ABLIM3: variants seen among roughly 807,000 people sequenced by gnomAD.
ABLIM3 encodes actin-binding LIM protein 3.
Under a neutral mutation model 109.5 loss-of-function variants are expected in ABLIM3, and 61 were observed. The observed-to-expected ratio is 0.56, with a 90% CI of 0.45 to 0.69. ABLIM3 has a LOEUF of 0.69. Ranked by LOEUF, ABLIM3 falls within the 30% of genes least tolerant of loss-of-function variation. ABLIM3 has a pLI of 0.00. For synonymous variants in ABLIM3, 300 were observed against 324.8 expected, an observed-to-expected ratio of 0.92 and a Z score of 0.82; for missense variants, 796 against 889.5, an observed-to-expected ratio of 0.89 and a Z score of 1.34.
At chr5:149,236,119 G>A (rs1762325714) in intron 10 of ABLIM3, among the ~76,000 whole-genome samples, 1 of 152,186 alleles carries the variant, frequency 6.6e-6, no homozygotes, top group Non-Finnish European at 1.5e-5. Flanking sequence ...GAAAGTCAGA[G>A]AGCAAAAGAG....
At chr5:149,248,035 A>T in intron 18 of ABLIM3, 106 bp downstream of exon 18, 2 of 1,348,816 alleles carry the variant, frequency 1.5e-6, no homozygotes, top group Admixed American at 2.5e-5. Context: ...GGCACAGCCC[A>T]TGCATCCTCT....
intron 20 of ABLIM3, 115 bp from the exon 21 acceptor site, chr5:149,251,244 C>T (rs1753893354): frequency 1.8e-6 from 2 of 1,116,010 alleles, no homozygotes; most frequent in Non-Finnish European, 1.3e-6. Flanking sequence ...ACAGAGGCTG[C>T]TGAGAAGGCC....
intron 8 of ABLIM3, chr5:149,217,505 C>CT: frequency 5.8e-6 from 1 of 171,874 alleles, no homozygotes; most frequent in East Asian, 1.6e-4. Flanking sequence ...ACTCTCAGAA[C>CT]ACACAGAGGA....
rs150044348 is a variant in ABLIM3, at chr5:149,195,116, T to A, written c.152-3103T>A. Reference sequence around the variant, plus strand: ...GTATGACAGAGTCTTGCACTTTCTGTTCTAGATGTGTCCTCAGTTAACCAC... The same window carrying A: ...GTATGACAGAGTCTTGCACTTTCTGATCTAGATGTGTCCTCAGTTAACCAC... On this transcript the variant is annotated intron_variant, in intron 3 of 23. Coordinates refer to ENST00000309868, the MANE Select transcript of ABLIM3 (RefSeq NM_014945.5). Among the ~76,000 whole-genome samples, 770 of 152,270 alleles carry A rather than the reference T, an allele frequency of 5.1e-3. 14 individuals are homozygous for A. Among genetic ancestry groups the A allele is most frequent in the African/African-American group, 0.018 (736 of 41,558 alleles).
intron 14 of ABLIM3, among the ~76,000 whole-genome samples, chr5:149,241,935 C>G (rs1441057340): frequency 1.3e-5 from 2 of 152,178 alleles, no homozygotes; most frequent in African/African-American, 2.4e-5. Flanking sequence ...TGAGTCACAG[C>G]AGAGCCAGGG....
chr5:149,214,698 CCTT>C (rs1219972599), intron 7 of ABLIM3, among the ~76,000 whole-genome samples: 13 of 152,172 alleles, frequency 8.5e-5, no homozygotes, highest in Admixed American at 1.3e-4. Context: ...AGTTGTTTCT[CCTT>C]CTCTTCTCAT....
At position 149,249,825 on chromosome 5, in the gene ABLIM3, G is replaced by T. The variant is rs368603687; in HGVS notation, c.1710G>T (p.Ser570=). Residue 570 remains serine, a synonymous_variant, in exon 19 of 24, where the codon TCG becomes TCT. Coordinates refer to ENST00000309868, the MANE Select transcript of ABLIM3 (RefSeq NM_014945.5). ...TTTTCTCTCCTGCAGCCCCTCGGTC[G>T]CACTACCTGGCTGACAGTGGTAAGT... ...YEMSLNGSPR[S]HYLADSDPLI... 9.3e-6 allele frequency: 15 copies of T among 1,613,950 alleles called. No homozygotes were observed. In the Admixed American group the frequency reaches 1.2e-4, roughly 13 times the overall value.
intron 16 of ABLIM3, among the ~76,000 whole-genome samples, chr5:149,245,634 T>A (rs1753275113): frequency 6.7e-6 from 1 of 148,656 alleles, no homozygotes; most frequent in Non-Finnish European, 1.5e-5. Context: ...AGAGACCACT[T>A]TGGCTGTAGG....
At position 149,217,063 on chromosome 5, in the gene ABLIM3, C is replaced by G. The variant is rs750594137; in HGVS notation, c.757+17C>G. The G allele has an allele frequency of 5.6e-6, 9 of 1,609,552 alleles. No individual in the cohort carries two copies. Among genetic ancestry groups the G allele is most frequent in the Admixed American group, 1.7e-5 (1 of 59,994 alleles). ...ACCTCACAGGTAAGTAAATCTGACC[C>G]TCTGTAAGGCCTTCCGACCTGCTCA... On this transcript the variant is annotated intron_variant, in intron 8 of 23. Transcript: ENST00000309868.
chr5:149,258,308 A>C lies in ABLIM3; in HGVS notation c.1956A>C (p.Glu652Asp). The C allele has an allele frequency of 6.2e-7, 1 of 1,613,936 alleles. No individual in the cohort carries two copies. Among genetic ancestry groups the C allele is most frequent in the Non-Finnish European group, 8.5e-7 (1 of 1,179,958 alleles). The change falls in exon 24 of 24, where the codon GAA (glutamate) becomes GAC (aspartate). Residue 652 changes from glutamate to aspartate, a missense_variant. Physicochemically the swap from Glu to Asp is conservative, Grantham distance 45 (BLOSUM62 2). Coordinates refer to ENST00000309868, the MANE Select transcript of ABLIM3 (RefSeq NM_014945.5). Reference sequence around the variant, plus strand: ...TCCTTCAGCGCCACCTGTCCCAGGAAGAGTTCTACCAAGTCTTTGGCATGA... The same window carrying C: ...TCCTTCAGCGCCACCTGTCCCAGGACGAGTTCTACCAAGTCTTTGGCATGA... ...RTRLERHLSQ[E>D]EFYQVFGMTI...
chr5:149,217,513 G>A lies in ABLIM3; in HGVS notation c.757+467G>A, dbSNP rs143222728. ...CCCAGGGACTCTCAGAACACACAGAGGAATGAGGAGTGCCAGTCGTCCCCA... is the reference window on the plus strand; with the variant it reads ...CCCAGGGACTCTCAGAACACACAGAAGAATGAGGAGTGCCAGTCGTCCCCA... On this transcript the variant is annotated intron_variant, in intron 8 of 23. Transcript: ENST00000309868. 70 of 166,608 alleles carry A rather than the reference G, an allele frequency of 4.2e-4. 1 individual carries two copies. In the East Asian group the frequency reaches 0.011, roughly 26 times the overall value. The allele number at this position is 166,608 out of a possible 1,614,324, so 10.3% of individuals were successfully genotyped here.
chr5:149,197,520 G>A (rs1758092122), intron 3 of ABLIM3, among the ~76,000 whole-genome samples: 1 of 152,032 alleles, frequency 6.6e-6, no homozygotes, highest in African/African-American at 2.4e-5. Flanking sequence ...TTGAGATTCA[G>A]GGATTGTGTT....
chr5:149,208,846 A>T (rs1759272819), intron 6 of ABLIM3, among the ~76,000 whole-genome samples: 1 of 152,246 alleles, frequency 6.6e-6, no homozygotes, highest in South Asian at 2.1e-4. Context: ...TATTCAGAGA[A>T]AAAAAGGATG....
intron 8 of ABLIM3, among the ~76,000 whole-genome samples, chr5:149,226,019 T>C (rs1035315710): frequency 1.6e-5 from 2 of 122,258 alleles, no homozygotes; most frequent in Admixed American, 8.4e-5. Context: ...TATATATATA[T>C]ATATATATCA....
chr5:149,255,552 A>T (rs1754353372), intron 23 of ABLIM3, among the ~76,000 whole-genome samples: 1 of 152,216 alleles, frequency 6.6e-6, no homozygotes, highest in East Asian at 1.9e-4. Flanking sequence ...AGTTTTAAAT[A>T]GCATCATCAG....
chr5:149,250,930 C>G (rs184800904), intron 20 of ABLIM3, among the ~76,000 whole-genome samples: 4 of 152,284 alleles, frequency 2.6e-5, no homozygotes, highest in Non-Finnish European at 5.9e-5. Flanking sequence ...CCACAGCCCA[C>G]CCCCAACTGC....
intron 7 of ABLIM3, among the ~76,000 whole-genome samples, chr5:149,211,531 ACT>A (rs749326993): frequency 2.0e-5 from 3 of 152,082 alleles, no homozygotes; most frequent in African/African-American, 2.4e-5. Flanking sequence ...TCTAGTATTG[ACT>A]CTACTCCTGC....
At chr5:149,237,041 C>T (rs762874363) in intron 10 of ABLIM3, among the ~76,000 whole-genome samples, 15 of 152,296 alleles carry the variant, frequency 9.8e-5, no homozygotes, top group African/African-American at 2.2e-4. Flanking sequence ...TCTGTGGGAT[C>T]GGAAGGCAGT....
chr5:149,237,703 C>T, intron 11 of ABLIM3, 100 bp downstream of exon 11: 2 of 1,487,606 alleles, frequency 1.3e-6, no homozygotes, highest in Non-Finnish European at 9.1e-7. Context: ...CTCCACAATG[C>T]TGGCTCCCAG....
Sources: allele counts gnomAD v4.1 joint callset (sites outside exome capture counted in the v4.1 genomes callset), GRCh38; gene constraint gnomAD v4.1.1; transcripts MANE v1.5; gene names NCBI Gene and HGNC (gene_info 2026-07-23, HGNC 2026-07-21).